WDPCP: variants seen among roughly 807,000 people sequenced by gnomAD.
WDPCP encodes WD repeat containing planar cell polarity effector, also known as WD repeat-containing and planar cell polarity effector protein fritz homolog.
WDPCP carries 71 observed loss-of-function variants against 93.1 expected under a neutral mutation model. That is an observed-to-expected ratio of 0.76 (90% CI 0.63 to 0.93). The LOEUF (loss-of-function observed/expected upper bound fraction) is 0.93. Ranked by LOEUF, WDPCP falls within the 40% of genes least tolerant of loss-of-function variation. The pLI is 0.00. For synonymous variants in WDPCP, 315 were observed against 315.0 expected, an observed-to-expected ratio of 1.00 and a Z score of 0.00; for missense variants, 844 against 887.4, an observed-to-expected ratio of 0.95 and a Z score of 0.62.
At chr2:63,623,141 A>T (rs1709768043) in intron 3 of WDPCP, among the ~76,000 whole-genome samples, 1 of 152,244 alleles carries the variant, frequency 6.6e-6, no homozygotes, top group African/African-American at 2.4e-5. Context: ...AAATGCTGAG[A>T]GATTTTTTCA....
intron 1 of WDPCP, among the ~76,000 whole-genome samples, chr2:63,497,282 G>C (rs1701288637): frequency 6.6e-6 from 1 of 152,068 alleles, no homozygotes; most frequent in Non-Finnish European, 1.5e-5. Context: ...AGAAACAGCA[G>C]CAATAATTAG....
At chr2:63,812,328 G>A (rs1670874977) in intron 2 of WDPCP, among the ~76,000 whole-genome samples, 1 of 152,282 alleles carries the variant, frequency 6.6e-6, no homozygotes, top group East Asian at 1.9e-4. Context: ...TGGGCACCTA[G>A]ATTGATTCCA....
At chr2:63,550,192 AACACACACACACACACACACACACACAC>A (rs56155473) in intron 1 of WDPCP, among the ~76,000 whole-genome samples, 1 of 44,350 alleles carries the variant, frequency 2.3e-5, no homozygotes, top group Non-Finnish European at 3.6e-5. Flanking sequence ...CATCTTAAGA[AACACACACACACACACACACACACACAC>A]ACACACACAC....
intron 3 of WDPCP, among the ~76,000 whole-genome samples, chr2:63,609,625 C>T (rs1709593804): frequency 6.6e-6 from 1 of 152,178 alleles, no homozygotes; most frequent in African/African-American, 2.4e-5. Flanking sequence ...TGCAGTGACT[C>T]ATGCGTGTAA....
At chr2:63,393,826 A>T (rs1462523385) in intron 10 of WDPCP, among the ~76,000 whole-genome samples, 1 of 152,156 alleles carries the variant, frequency 6.6e-6, no homozygotes, top group Non-Finnish European at 1.5e-5. Context: ...CAGGGAAAGG[A>T]CTTCTTATTC....
At chr2:63,284,219 T>C (rs1170146042) in intron 13 of WDPCP, among the ~76,000 whole-genome samples, 1 of 152,210 alleles carries the variant, frequency 6.6e-6, no homozygotes, top group Non-Finnish European at 1.5e-5. Context: ...GTTCTTACAC[T>C]ATCCATGAAG....
At chr2:63,447,924 C>T (rs548589174) in intron 6 of WDPCP, among the ~76,000 whole-genome samples, 43 of 151,972 alleles carry the variant, frequency 2.8e-4, no homozygotes, top group Non-Finnish European at 4.9e-4. Flanking sequence ...GAATGAGTTT[C>T]GGGTAGGCAT....
intron 6 of WDPCP, among the ~76,000 whole-genome samples, chr2:63,465,235 C>T (rs1467472849): frequency 6.6e-6 from 1 of 151,956 alleles, no homozygotes; most frequent in Non-Finnish European, 1.5e-5. Flanking sequence ...CCATAATAAA[C>T]CTATGACTTA....
intron 1 of WDPCP, among the ~76,000 whole-genome samples, chr2:63,545,149 C>T (rs1008883273): frequency 4.6e-5 from 7 of 152,092 alleles, no homozygotes; most frequent in Non-Finnish European, 1.0e-4. Context: ...CAGGGTGCCA[C>T]GGCCATGGAT....
intron 12 of WDPCP, among the ~76,000 whole-genome samples, chr2:63,365,023 A>G (rs1305545529): frequency 6.6e-6 from 1 of 152,238 alleles, no homozygotes; most frequent in Non-Finnish European, 1.5e-5. Context: ...ATTTACAAAG[A>G]TGAGAGGCAG....
At chr2:63,554,019 C>T (rs1440188400) in intron 1 of WDPCP, among the ~76,000 whole-genome samples, 1 of 152,176 alleles carries the variant, frequency 6.6e-6, no homozygotes, top group Non-Finnish European at 1.5e-5. Context: ...TTACTATCAA[C>T]ACAATTTTAC....
At chr2:63,143,466 T>G (rs1392267564) in intron 17 of WDPCP, among the ~76,000 whole-genome samples, 2 of 152,238 alleles carry the variant, frequency 1.3e-5, no homozygotes, top group Non-Finnish European at 2.9e-5. Context: ...ATTGTGATTT[T>G]TGTTGCCTGC....
chr2:63,437,944 TA>T, intron 7 of WDPCP: 1 of 1,537,272 alleles, frequency 6.5e-7, no homozygotes, highest in Non-Finnish European at 8.8e-7. Flanking sequence ...CATCCGAGGA[TA>T]AAGTGGATTT....
At chr2:63,713,938 A>T (rs1300361102) in intron 2 of WDPCP, among the ~76,000 whole-genome samples, 2 of 151,938 alleles carry the variant, frequency 1.3e-5, no homozygotes, top group African/African-American at 4.8e-5. Flanking sequence ...ATATTTATAG[A>T]GATTGTGGTT....
At chr2:63,465,086 G>GA (rs959461945) in intron 6 of WDPCP, among the ~76,000 whole-genome samples, 18 of 150,846 alleles carry the variant, frequency 1.2e-4, no homozygotes, top group Non-Finnish European at 1.9e-4. Flanking sequence ...GTTTTTTACT[G>GA]AAAAAAAAGC....
intron 1 of WDPCP, among the ~76,000 whole-genome samples, chr2:63,538,208 A>T (rs529148744): frequency 6.6e-6 from 1 of 152,304 alleles, no homozygotes; most frequent in African/African-American, 2.4e-5. Context: ...ATAATCCCTC[A>T]GCTGTAATCA....
chr2:63,759,133 T>C (rs886146506), intron 2 of WDPCP, among the ~76,000 whole-genome samples: 2 of 151,826 alleles, frequency 1.3e-5, no homozygotes, highest in Non-Finnish European at 2.9e-5. Context: ...ATAGAAGGCA[T>C]GCTGGGAAGG....
intron 15 of WDPCP, among the ~76,000 whole-genome samples, chr2:63,159,009 A>G (rs954494002): frequency 1.4e-5 from 2 of 146,678 alleles, no homozygotes; most frequent in African/African-American, 2.5e-5. Context: ...AGCAAAAATT[A>G]GCAGGGTGTG....
intron 1 of WDPCP, among the ~76,000 whole-genome samples, chr2:63,547,350 T>C (rs1054084071): frequency 5.9e-5 from 9 of 152,166 alleles, no homozygotes; most frequent in African/African-American, 1.9e-4. Flanking sequence ...GAAAACAGTA[T>C]GGAGATTTCT....
Sources: allele counts gnomAD v4.1 joint callset (sites outside exome capture counted in the v4.1 genomes callset), GRCh38; gene constraint gnomAD v4.1.1; transcripts MANE v1.5; gene names NCBI Gene and HGNC (gene_info 2026-07-23, HGNC 2026-07-21).